NCOA1: variants seen among roughly 807,000 people sequenced by gnomAD.
NCOA1 encodes the protein Hin-2 protein.
In NCOA1, 35 loss-of-function variants were observed where a neutral mutation model predicts 150.9. That is an observed-to-expected ratio of 0.23 (90% CI 0.18 to 0.31). The LOEUF is 0.31. Ranked by LOEUF, NCOA1 falls within the 10% of genes least tolerant of loss-of-function variation. The pLI is 1.00. For synonymous variants in NCOA1, 590 were observed against 630.0 expected (o/e 0.94, Z 0.95); for missense variants, 1,491 against 1,749.3 (o/e 0.85, Z 2.63).
At chr2:24,496,584 T>C (rs1663225385) in intron 1 of NCOA1, among the ~76,000 whole-genome samples, 2 of 152,222 alleles carry the variant, frequency 1.3e-5, no homozygotes, top group Admixed American at 6.5e-5. Flanking sequence ...TTTCTCTCTC[T>C]TTCTTTTGAG....
Position 24,711,080 on chromosome 2 carries a change from C to T in NCOA1, c.2568C>T (p.Ser856=), listed in dbSNP as rs769072549. ...AGATCCTGCCAGCTTCACTTCAGTC[C>T]GCCACTGCCAGACCCACTTCCAGGC... ...KSEILPASLQ[S]ATARPTSRLN... The change falls in exon 14 of 23, where the codon TCC becomes TCT. Residue 856 remains serine (S), a synonymous_variant. Coordinates refer to ENST00000348332, the MANE Select transcript of NCOA1 (RefSeq NM_003743.5). 37 of 1,613,890 alleles carry T rather than the reference C, an allele frequency of 2.3e-5. No homozygotes were observed. Among genetic ancestry groups the T allele is most frequent in the African/African-American group, 1.7e-4 (13 of 74,912 alleles).
intron 3 of NCOA1, among the ~76,000 whole-genome samples, chr2:24,632,308 ATAG>A (rs1273432265): frequency 1.3e-5 from 2 of 152,310 alleles, no homozygotes; most frequent in East Asian, 1.9e-4. Context: ...AAAGGCTCGG[ATAG>A]TAGTAGTATG....
At chr2:24,636,463 T>G (rs898791166) in intron 3 of NCOA1, among the ~76,000 whole-genome samples, 1 of 152,206 alleles carries the variant, frequency 6.6e-6, no homozygotes, top group African/African-American at 2.4e-5. Flanking sequence ...TGCATTCAAC[T>G]TTGTATAGTA....
intron 6 of NCOA1, among the ~76,000 whole-genome samples, chr2:24,673,157 G>T (rs1047654867): frequency 6.6e-6 from 1 of 152,134 alleles, no homozygotes; most frequent in African/African-American, 2.4e-5. Context: ...TGTATTAGTT[G>T]TATGTTTTCA....
At chr2:24,531,825 G>GT (rs1664914055) in intron 1 of NCOA1, among the ~76,000 whole-genome samples, 1 of 152,104 alleles carries the variant, frequency 6.6e-6, no homozygotes, top group South Asian at 2.1e-4. Context: ...CATGGTGTAT[G>GT]TGTGCCACAT....
intron 7 of NCOA1, 59 bp downstream of exon 7, chr2:24,673,522 T>C (rs554991824): frequency 1.7e-5 from 20 of 1,184,888 alleles, no homozygotes; most frequent in Non-Finnish European, 2.3e-5. Flanking sequence ...CAGTTTGGTT[T>C]TTTCTTTTTT....
intron 1 of NCOA1, among the ~76,000 whole-genome samples, chr2:24,554,233 C>A (rs1278927533): frequency 6.6e-6 from 1 of 152,014 alleles, no homozygotes; most frequent in East Asian, 1.9e-4. Flanking sequence ...CCTTTTTCTA[C>A]CTCCTTAAGG....
Position 24,718,142 on chromosome 2 carries a change from C to T in NCOA1, c.2599+7031C>T, listed in dbSNP as rs1392812733. Among the ~76,000 whole-genome samples the T allele has an allele frequency of 4.6e-5, 7 of 152,086 alleles. No homozygotes were observed. In the East Asian group the frequency reaches 1.2e-3, roughly 25 times the overall value. ...CTAGAACTTCTGGCCTCAAGTGATC[C>T]ACCCGCCTTGGCTTCCCAAAGTGCC... On this transcript the variant is annotated intron_variant, in intron 14 of 22. Transcript: ENST00000348332.
chr2:24,697,303 C>T (rs927722527), intron 10 of NCOA1, among the ~76,000 whole-genome samples: 1 of 152,054 alleles, frequency 6.6e-6, no homozygotes, highest in Non-Finnish European at 1.5e-5. Context: ...TCATCTTTGC[C>T]TCTCCTTTCC....
intron 2 of NCOA1, among the ~76,000 whole-genome samples, chr2:24,576,846 C>T (rs1667011374): frequency 6.6e-6 from 1 of 152,152 alleles, no homozygotes; most frequent in African/African-American, 2.4e-5. Context: ...ATTCTCCTCT[C>T]AGTTTCAGTG....
rs201899339 is a variant in NCOA1, at chr2:24,758,045, C to T, written c.3954C>T (p.Thr1318=). The change falls in exon 21 of 23, where the codon ACC becomes ACT. Residue 1318 remains threonine, a synonymous_variant. Transcript: ENST00000348332. ...GAGTATACAACAACATGAGCATCAC[C>T]GTTTCCATGGCAGGTGGAAATACGA... ...QPGVYNNMSI[T]VSMAGGNTNV... 2.9e-5 allele frequency: 47 copies of T among 1,614,042 alleles called. No homozygotes were observed. The highest frequency in any genetic ancestry group is 1.6e-4 in the Middle Eastern group (1 of 6,084).
intron 5 of NCOA1, among the ~76,000 whole-genome samples, chr2:24,664,718 AAAAAG>A (rs1353410556): frequency 2.6e-5 from 4 of 152,022 alleles, no homozygotes; most frequent in Non-Finnish European, 4.4e-5. Context: ...AAAAAAAAAG[AAAAAG>A]AAAAGAAAAG....
chr2:24,535,018 C>G (rs1665065706), intron 1 of NCOA1, among the ~76,000 whole-genome samples: 1 of 152,124 alleles, frequency 6.6e-6, no homozygotes, highest in African/African-American at 2.4e-5. Flanking sequence ...AACCTTCTGT[C>G]TTATTGATCT....
chr2:24,505,803 T>C (rs1663668511), intron 1 of NCOA1, among the ~76,000 whole-genome samples: 1 of 152,188 alleles, frequency 6.6e-6, no homozygotes, highest in Non-Finnish European at 1.5e-5. Flanking sequence ...GGTTGAGTCC[T>C]TCCTTGAGAT....
At chr2:24,649,875 C>T (rs1441515347) in intron 4 of NCOA1, among the ~76,000 whole-genome samples, 3 of 152,074 alleles carry the variant, frequency 2.0e-5, no homozygotes, top group Admixed American at 2.0e-4. Context: ...TATATTGTTT[C>T]AAACATTAAG....
At chr2:24,523,586 A>G (rs531863818) in intron 1 of NCOA1, among the ~76,000 whole-genome samples, 1 of 101,840 alleles carries the variant, frequency 9.8e-6, no homozygotes, top group African/African-American at 3.6e-5. Context: ...AGCCTGGGAG[A>G]CAGAGTGAGA....
At chr2:24,676,117 CA>C (rs1671900540) in intron 7 of NCOA1, among the ~76,000 whole-genome samples, 1 of 152,144 alleles carries the variant, frequency 6.6e-6, no homozygotes, top group South Asian at 2.1e-4. Context: ...GGGGTCACCT[CA>C]AGTTTTGGAA....
chr2:24,497,359 A>G (rs570797126), intron 1 of NCOA1, among the ~76,000 whole-genome samples: 1 of 151,776 alleles, frequency 6.6e-6, no homozygotes, highest in South Asian at 2.1e-4. Context: ...CATATATACC[A>G]GTTACTTGAT....
chr2:24,516,762 A>G (rs532651307), intron 1 of NCOA1, among the ~76,000 whole-genome samples: 4 of 141,184 alleles, frequency 2.8e-5, no homozygotes, highest in South Asian at 2.2e-4. Context: ...TGTTACTCCC[A>G]TTGCTGTGAA....
Sources: allele counts gnomAD v4.1 joint callset (sites outside exome capture counted in the v4.1 genomes callset), GRCh38; gene constraint gnomAD v4.1.1; transcripts MANE v1.5; gene names NCBI Gene and HGNC (gene_info 2026-07-23, HGNC 2026-07-21).